The following SIPA1L1 variants were observed in gnomAD, a reference collection of about 807,000 sequenced individuals.
SIPA1L1 encodes the protein signal induced proliferation associated 1 like 1.
SIPA1L1 carries 26 observed loss-of-function variants against 162.7 expected under a neutral mutation model. The observed-to-expected ratio is 0.16, with a 90% CI of 0.12 to 0.22. The LOEUF is 0.22. Ranked by LOEUF, SIPA1L1 falls within the 10% of genes least tolerant of loss-of-function variation. The pLI is 1.00. For missense variants in SIPA1L1, 1,874 were observed against 2,241.0 expected (o/e 0.84, Z 3.31); for synonymous variants, 829 against 837.4 (o/e 0.99, Z 0.17).
chr14:71,701,556 A>G (rs947199162), intron 14 of SIPA1L1, among the ~76,000 whole-genome samples: 2 of 152,160 alleles, frequency 1.3e-5, no homozygotes, highest in African/African-American at 4.8e-5. Context: ...CATAAAGTTC[A>G]TTAGTAACCA....
chr14:71,469,828 A>T (rs1252444347), intron 2 of SIPA1L1, among the ~76,000 whole-genome samples: 1 of 152,218 alleles, frequency 6.6e-6, no homozygotes, highest in Non-Finnish European at 1.5e-5. Context: ...ATAAAAACAA[A>T]CATGAGGCAG....
At chr14:71,638,784 CA>C in intron 7 of SIPA1L1, among the ~76,000 whole-genome samples, 1 of 152,184 alleles carries the variant, frequency 6.6e-6, no homozygotes, top group East Asian at 1.9e-4. Context: ...CCTGGAACTG[CA>C]AAATGTGTTT....
At chr14:71,595,955 G>C (rs2035977788) in intron 5 of SIPA1L1, among the ~76,000 whole-genome samples, 1 of 152,120 alleles carries the variant, frequency 6.6e-6, no homozygotes, top group Admixed American at 6.5e-5. Flanking sequence ...TCCCTTTATA[G>C]TCTACCCTGC....
chr14:71,589,068 G>C lies in SIPA1L1; in HGVS notation c.1196G>C (p.Ser399Thr). Residue 399 changes from serine (S) to threonine (T), a missense_variant, in exon 5 of 24, where the codon AGC (serine) becomes ACC (threonine). By Grantham distance (58) the Ser-to-Thr change is moderately conservative. Transcript: ENST00000381232. ...GACCTGAATTCCAAAGGAAGCCTCAGCATGGACCAGGGAGATGATAAAAGC... is the reference window on the plus strand; with the variant it reads ...GACCTGAATTCCAAAGGAAGCCTCACCATGGACCAGGGAGATGATAAAAGC... ...TEDLNSKGSL[S>T]MDQGDDKSNE... is the part of the protein sequence containing the mutation. The C allele has an allele frequency of 1.2e-6, 2 of 1,614,112 alleles. No homozygotes were observed. Among genetic ancestry groups the C allele is most frequent in the South Asian group, 2.2e-5 (2 of 91,086 alleles).
intron 3 of SIPA1L1, among the ~76,000 whole-genome samples, chr14:71,513,656 T>C (rs2051399493): frequency 6.6e-6 from 1 of 152,114 alleles, no homozygotes; most frequent in Non-Finnish European, 1.5e-5. Context: ...CGTGCCTAGC[T>C]AATTTTTAAA....
intron 2 of SIPA1L1, among the ~76,000 whole-genome samples, chr14:71,496,469 A>G (rs1321798181): frequency 1.3e-5 from 2 of 152,164 alleles, no homozygotes; most frequent in Non-Finnish European, 2.9e-5. Context: ...CTTTGTGATC[A>G]GCAAACATAT....
chr14:71,670,048 A>AT (rs1366737751), intron 10 of SIPA1L1, among the ~76,000 whole-genome samples: 13 of 152,062 alleles, frequency 8.5e-5, no homozygotes, highest in Non-Finnish European at 1.9e-4. Flanking sequence ...GAAGAAACCG[A>AT]TTTTTTTATT....
intron 2 of SIPA1L1, among the ~76,000 whole-genome samples, chr14:71,323,902 C>G (rs904991052): frequency 6.6e-6 from 1 of 152,008 alleles, no homozygotes; most frequent in African/African-American, 2.4e-5. Flanking sequence ...ACCCTGATGC[C>G]CTCGTAAAGG....
At chr14:71,549,168 G>A (rs556923455) in intron 4 of SIPA1L1, among the ~76,000 whole-genome samples, 1 of 152,282 alleles carries the variant, frequency 6.6e-6, no homozygotes, top group East Asian at 1.9e-4. Flanking sequence ...GACCTTGGTG[G>A]CTCCCTTGGC....
chr14:71,500,151 A>G (rs988485875), intron 2 of SIPA1L1, among the ~76,000 whole-genome samples: 5 of 152,352 alleles, frequency 3.3e-5, no homozygotes, highest in East Asian at 1.9e-4. Context: ...GAACATTAAA[A>G]TTAAGAATTT....
At chr14:71,326,151 T>C (rs2033769562) in intron 2 of SIPA1L1, among the ~76,000 whole-genome samples, 1 of 152,178 alleles carries the variant, frequency 6.6e-6, no homozygotes. Flanking sequence ...CCACAAAGCC[T>C]TTTACCAAAG....
intron 2 of SIPA1L1, among the ~76,000 whole-genome samples, chr14:71,370,896 C>T (rs1284433987): frequency 1.3e-5 from 2 of 152,028 alleles, no homozygotes; most frequent in Non-Finnish European, 2.9e-5. Flanking sequence ...AATAATTTAA[C>T]ATAAGCAGAA....
intron 5 of SIPA1L1, among the ~76,000 whole-genome samples, chr14:71,614,973 G>A (rs1440545009): frequency 6.6e-6 from 1 of 151,716 alleles, no homozygotes; most frequent in East Asian, 1.9e-4. Context: ...TTGTTCTTGA[G>A]ATATATTAAA....
At chr14:71,479,807 G>A (rs934180935) in intron 2 of SIPA1L1, among the ~76,000 whole-genome samples, 1 of 152,006 alleles carries the variant, frequency 6.6e-6, no homozygotes, top group Non-Finnish European at 1.5e-5. Flanking sequence ...GTTTACTGCA[G>A]CCCTGACCTC....
intron 5 of SIPA1L1, among the ~76,000 whole-genome samples, chr14:71,613,900 A>G (rs993891326): frequency 2.0e-5 from 3 of 152,050 alleles, no homozygotes; most frequent in Admixed American, 1.3e-4. Flanking sequence ...AGTATCTTCT[A>G]GCTTAGATCT....
chr14:71,372,983 C>G (rs1381265966), intron 2 of SIPA1L1, among the ~76,000 whole-genome samples: 1 of 152,122 alleles, frequency 6.6e-6, no homozygotes, highest in Non-Finnish European at 1.5e-5. Flanking sequence ...TCCAGATAAT[C>G]TCCTAACAAA....
intron 2 of SIPA1L1, among the ~76,000 whole-genome samples, chr14:71,475,383 G>A (rs1038007393): frequency 3.0e-4 from 46 of 152,246 alleles, no homozygotes; most frequent in African/African-American, 1.1e-3. Flanking sequence ...ATTAATTGGT[G>A]AGAACAATGT....
chr14:71,598,807 A>G (rs1245086654), intron 5 of SIPA1L1, among the ~76,000 whole-genome samples: 3 of 152,214 alleles, frequency 2.0e-5, no homozygotes, highest in African/African-American at 4.8e-5. Flanking sequence ...TGTTGGGGAC[A>G]TTTCAAGGCC....
intron 8 of SIPA1L1, among the ~76,000 whole-genome samples, chr14:71,656,055 C>G (rs1229562604): frequency 6.6e-6 from 1 of 152,062 alleles, no homozygotes; most frequent in Admixed American, 6.5e-5. Context: ...AGAAAAGTTT[C>G]ATTATTTTAG....
Sources: gnomAD v4.1 joint callset for allele counts (sites outside exome capture counted in the v4.1 genomes callset) on GRCh38, gnomAD v4.1.1 for gene constraint, MANE v1.5 for transcripts, NCBI Gene and HGNC (gene_info 2026-07-23, HGNC 2026-07-21) for gene names.